The following AMPH variants were observed in gnomAD, a reference collection of about 807,000 sequenced individuals.
AMPH encodes amphiphysin, also known as amphiphysin (Stiff-Mann syndrome with breast cancer 128kD autoantigen).
AMPH carries 49 observed loss-of-function variants against 99.1 expected under a neutral mutation model. The observed-to-expected ratio is 0.49, with a 90% CI of 0.39 to 0.63. The LOEUF (loss-of-function observed/expected upper bound fraction) is 0.63. Ranked by LOEUF, AMPH falls within the 20% of genes least tolerant of loss-of-function variation. The pLI, the probability that AMPH is intolerant of heterozygous loss-of-function variation, is 0.00. For synonymous variants in AMPH, 314 were observed against 317.3 expected (o/e 0.99, Z 0.11); for missense variants, 759 against 863.4 (o/e 0.88, Z 1.52).
At chr7:38,577,543 T>G (rs113179503) in intron 1 of AMPH, among the ~76,000 whole-genome samples, 2 of 152,176 alleles carry the variant, frequency 1.3e-5, no homozygotes, top group Admixed American at 6.6e-5. Context: ...GAATATCACC[T>G]TTTTTGTTTT....
intron 1 of AMPH, among the ~76,000 whole-genome samples, chr7:38,536,325 C>T (rs11773386): frequency 0.42 from 63,566 of 151,930 alleles, 13,723 homozygotes; most frequent in Non-Finnish European, 0.48. Flanking sequence ...AATACACATC[C>T]CTTTTTTAAC....
Position 38,384,686 on chromosome 7 carries a change from T to C in AMPH, c.*132A>G, listed in dbSNP as rs1784302661. The C allele has an allele frequency of 4.0e-6, 3 of 746,610 alleles. No homozygotes were observed. The highest frequency in any genetic ancestry group is 6.7e-6 in the Non-Finnish European group (3 of 449,116). The allele number at this position is 746,610 out of a possible 1,614,324, so 46.2% of individuals were successfully genotyped here. A position where few individuals can be genotyped will look rare whatever the true frequency, so the allele number is the denominator to read the frequency against. On this transcript the variant is annotated 3_prime_UTR_variant, in exon 21 of 21. Transcript: ENST00000356264. ...TTTTTTTGCACACATGCTCCATTGA[T>C]ACATCTTCCCAAGGTTTGTCTGGCA...
intron 2 of AMPH, among the ~76,000 whole-genome samples, chr7:38,525,390 A>T (rs1195594077): frequency 6.7e-6 from 1 of 148,580 alleles, no homozygotes; most frequent in African/African-American, 2.5e-5. Flanking sequence ...CACAACATAG[A>T]TGCAACCTAC....
At chr7:38,430,072 C>A in intron 13 of AMPH, 9 of 527,782 alleles carry the variant, frequency 1.7e-5, no homozygotes, top group Non-Finnish European at 1.6e-5. Context: ...AAATGAAACA[C>A]AAAGAAAGCC....
chr7:38,509,953 G>C (rs141417193), intron 2 of AMPH, among the ~76,000 whole-genome samples: 234 of 100,960 alleles, frequency 2.3e-3, no homozygotes, highest in African/African-American at 8.7e-3. Flanking sequence ...AACAACTGCT[G>C]TGTCAAGGCA....
intron 17 of AMPH, among the ~76,000 whole-genome samples, chr7:38,397,069 A>T (rs562850906): frequency 6.6e-6 from 1 of 152,346 alleles, no homozygotes; most frequent in African/African-American, 2.4e-5. Context: ...CTACATGCAG[A>T]CGGTATGGAC....
intron 1 of AMPH, among the ~76,000 whole-genome samples, chr7:38,629,223 T>C (rs948199004): frequency 5.3e-5 from 8 of 152,186 alleles, no homozygotes; most frequent in Non-Finnish European, 8.8e-5. Flanking sequence ...GATGCCAACA[T>C]GCCCTTTTCT....
At chr7:38,440,558 T>C (rs1786466375) in intron 11 of AMPH, among the ~76,000 whole-genome samples, 1 of 151,802 alleles carries the variant, frequency 6.6e-6, no homozygotes, top group African/African-American at 2.4e-5. Flanking sequence ...TGGCTGCTTA[T>C]ACAAAAATAA....
At chr7:38,598,348 A>C (rs1793134300) in intron 1 of AMPH, among the ~76,000 whole-genome samples, 1 of 152,008 alleles carries the variant, frequency 6.6e-6, no homozygotes, top group South Asian at 2.1e-4. Flanking sequence ...CAGTGGCATG[A>C]TCTCAGCGCA....
In AMPH at chr7:38,466,194, C is replaced by T. The variant is rs1787644851; in HGVS notation, c.645G>A (p.Lys215=). The T allele has an allele frequency of 1.2e-6, 2 of 1,600,786 alleles. No individual in the cohort carries two copies. The highest frequency in any genetic ancestry group is 2.3e-5 in the East Asian group (1 of 44,048). The part of the protein sequence containing the change: ...TFKNVSSLEA[K]FHKEIAVLCH... ...TCACCACCGCAATTTCCTTATGAAACTTGGCTTCAAGGCTGGAGACGTTTT... is the reference window on the plus strand; with the variant it reads ...TCACCACCGCAATTTCCTTATGAAATTTGGCTTCAAGGCTGGAGACGTTTT... The change falls in exon 8 of 21, where the codon AAG becomes AAA. Residue 215 remains lysine, a synonymous_variant. Coordinates refer to ENST00000356264, the MANE Select transcript of AMPH (RefSeq NM_001635.4).
chr7:38,625,222 C>A (rs1244620309), intron 1 of AMPH, among the ~76,000 whole-genome samples: 2 of 152,170 alleles, frequency 1.3e-5, no homozygotes, highest in Non-Finnish European at 2.9e-5. Flanking sequence ...ACAGAAAAAT[C>A]AGCCCAGATT....
chr7:38,464,064 T>C lies in AMPH; in HGVS notation c.750-951A>G, dbSNP rs903120122. ...AAACATAGCCCCAATCTAAGCTTAA[T>C]AGAGATGCCACTGAGCTCACTCACC... On this transcript the variant is annotated intron_variant, in intron 9 of 20. Transcript: ENST00000356264. 2.2e-5 allele frequency: 29 copies of C among 1,289,660 alleles called. No individual in the cohort carries two copies. In the African/African-American group the frequency reaches 2.7e-4, roughly 12 times the overall value. The allele number at this position is 1,289,660 out of a possible 1,614,324, so 79.9% of individuals were successfully genotyped here.
At chr7:38,592,346 T>TGATC (rs1792887378) in intron 1 of AMPH, among the ~76,000 whole-genome samples, 2 of 152,198 alleles carry the variant, frequency 1.3e-5, no homozygotes, top group African/African-American at 4.8e-5. Context: ...AAGCAAGGTA[T>TGATC]GATCATTCCC....
chr7:38,509,073 A>G (rs978502208), intron 2 of AMPH, among the ~76,000 whole-genome samples: 1 of 152,172 alleles, frequency 6.6e-6, no homozygotes, highest in Non-Finnish European at 1.5e-5. Flanking sequence ...GGTCTCTGAA[A>G]TTTACATTTC....
chr7:38,527,809 C>T (rs1021786393), intron 2 of AMPH, among the ~76,000 whole-genome samples: 2 of 152,114 alleles, frequency 1.3e-5, no homozygotes, highest in Non-Finnish European at 2.9e-5. Context: ...ACATCCTTGC[C>T]TTGTTTTCAA....
intron 1 of AMPH, among the ~76,000 whole-genome samples, chr7:38,604,765 G>A (rs1793370593): frequency 6.6e-6 from 1 of 152,180 alleles, no homozygotes; most frequent in South Asian, 2.1e-4. Context: ...TCTGCCTCAG[G>A]AGGACTGACT....
chr7:38,400,748 T>G (rs1784818426), intron 17 of AMPH, among the ~76,000 whole-genome samples: 1 of 152,232 alleles, frequency 6.6e-6, no homozygotes, highest in African/African-American at 2.4e-5. Context: ...GCTTGTTTTC[T>G]TTGTGATATT....
At chr7:38,455,076 A>C (rs1411191056) in intron 11 of AMPH, among the ~76,000 whole-genome samples, 2 of 150,528 alleles carry the variant, frequency 1.3e-5, no homozygotes, top group Non-Finnish European at 3.0e-5. Flanking sequence ...GTGATTATTA[A>C]AATTCTTTTT....
At chr7:38,481,927 T>C (rs980916511) in intron 5 of AMPH, among the ~76,000 whole-genome samples, 8 of 152,126 alleles carry the variant, frequency 5.3e-5, no homozygotes, top group African/African-American at 1.7e-4. Flanking sequence ...ACATAATCAC[T>C]CAACACTATT....
Sources: allele counts gnomAD v4.1 joint callset (sites outside exome capture counted in the v4.1 genomes callset), GRCh38; gene constraint gnomAD v4.1.1; transcripts MANE v1.5; gene names NCBI Gene and HGNC (gene_info 2026-07-23, HGNC 2026-07-21).